PLCXD3: variants seen among roughly 807,000 people sequenced by gnomAD.
The protein encoded by PLCXD3 is phosphatidylinositol specific phospholipase C X domain containing 3.
Under a neutral mutation model 25.5 loss-of-function variants are expected in PLCXD3, and 19 were observed. That is an observed-to-expected ratio of 0.75 (90% confidence interval 0.52 to 1.09). PLCXD3 has a LOEUF of 1.09. Ranked by LOEUF, PLCXD3 falls within the 50% of genes least tolerant of loss-of-function variation. The pLI is 0.00. For missense variants in PLCXD3, 411 were observed against 388.1 expected (o/e 1.06, Z -0.50); for synonymous variants, 174 against 137.6 (o/e 1.26, Z -1.85).
chr5:41,376,412 G>C (rs1745297959), intron 2 of PLCXD3, among the ~76,000 whole-genome samples: 1 of 151,968 alleles, frequency 6.6e-6, no homozygotes, highest in Admixed American at 6.6e-5. Flanking sequence ...ATCCTCTGAA[G>C]TCCAGTTCTG....
intron 2 of PLCXD3, among the ~76,000 whole-genome samples, chr5:41,348,140 T>C (rs1744351204): frequency 6.6e-6 from 1 of 152,224 alleles, no homozygotes; most frequent in African/African-American, 2.4e-5. Context: ...GGTAGGTTAA[T>C]AGTATTAGCC....
At chr5:41,431,094 CAG>C (rs906430585) in intron 1 of PLCXD3, among the ~76,000 whole-genome samples, 54 of 152,292 alleles carry the variant, frequency 3.5e-4, no homozygotes, top group African/African-American at 1.3e-3. Context: ...CACAGAACGT[CAG>C]AGTTAGAGAG....
At chr5:41,449,681 G>GACAT (rs1409870957) in intron 1 of PLCXD3, among the ~76,000 whole-genome samples, 1 of 152,068 alleles carries the variant, frequency 6.6e-6, no homozygotes, top group East Asian at 1.9e-4. Context: ...GAATACCTAG[G>GACAT]ACATACTATA....
At chr5:41,356,826 C>T (rs772197042) in intron 2 of PLCXD3, among the ~76,000 whole-genome samples, 1 of 152,124 alleles carries the variant, frequency 6.6e-6, no homozygotes, top group Non-Finnish European at 1.5e-5. Flanking sequence ...CTGGGTCATC[C>T]CTCCTGGAGG....
At chr5:41,383,926 A>G (rs1048674028) in intron 1 of PLCXD3, among the ~76,000 whole-genome samples, 4 of 152,022 alleles carry the variant, frequency 2.6e-5, no homozygotes, top group South Asian at 4.1e-4. Context: ...ACATTTATGT[A>G]TATATATCCA....
At chr5:41,392,611 T>G (rs1019550638) in intron 1 of PLCXD3, among the ~76,000 whole-genome samples, 1 of 152,126 alleles carries the variant, frequency 6.6e-6, no homozygotes, top group Admixed American at 6.6e-5. Flanking sequence ...GCCCAGATAG[T>G]GAAGACTACA....
chr5:41,420,169 G>A (rs970182896), intron 1 of PLCXD3, among the ~76,000 whole-genome samples: 2 of 151,982 alleles, frequency 1.3e-5, no homozygotes, highest in Admixed American at 6.6e-5. Context: ...CTTTTAAATG[G>A]ACTACTTTTA....
chr5:41,391,202 T>C (rs1267239438), intron 1 of PLCXD3, among the ~76,000 whole-genome samples: 1 of 151,934 alleles, frequency 6.6e-6, no homozygotes, highest in Non-Finnish European at 1.5e-5. Context: ...TGGACTGAGG[T>C]GGAACATGAT....
chr5:41,434,057 A>AT (rs1747178041), intron 1 of PLCXD3, among the ~76,000 whole-genome samples: 1 of 152,230 alleles, frequency 6.6e-6, no homozygotes, highest in East Asian at 1.9e-4. Flanking sequence ...ATTCACTTCT[A>AT]ACCCACTGTT....
At chr5:41,475,675 T>G (rs1327333734) in intron 1 of PLCXD3, 2 of 534,820 alleles carry the variant, frequency 3.7e-6, no homozygotes, top group South Asian at 2.8e-5. Flanking sequence ...TGTGGCTGTC[T>G]GCCACAAGTA....
intron 1 of PLCXD3, among the ~76,000 whole-genome samples, chr5:41,484,708 G>T (rs748176291): frequency 1.3e-5 from 2 of 152,254 alleles, no homozygotes; most frequent in Non-Finnish European, 2.9e-5. Flanking sequence ...ATCATAGCCT[G>T]CAGTCTGCAC....
At chr5:41,457,481 C>G (rs963238102) in intron 1 of PLCXD3, among the ~76,000 whole-genome samples, 2 of 151,764 alleles carry the variant, frequency 1.3e-5, no homozygotes, top group African/African-American at 4.8e-5. Flanking sequence ...TGATTGGAAC[C>G]CAGGAGTACA....
chr5:41,374,432 T>C (rs1160113880), intron 2 of PLCXD3, among the ~76,000 whole-genome samples: 3 of 152,164 alleles, frequency 2.0e-5, no homozygotes, highest in Non-Finnish European at 2.9e-5. Context: ...GTCCCGGCAC[T>C]GGCTTATAAC....
intron 1 of PLCXD3, among the ~76,000 whole-genome samples, chr5:41,432,042 G>A (rs1395604744): frequency 1.3e-5 from 2 of 152,088 alleles, no homozygotes; most frequent in Non-Finnish European, 2.9e-5. Flanking sequence ...CCAAGCAGAG[G>A]TGAGAGGCCT....
intron 2 of PLCXD3, among the ~76,000 whole-genome samples, chr5:41,325,777 T>G (rs1348956784): frequency 1.3e-5 from 2 of 152,190 alleles, no homozygotes; most frequent in Non-Finnish European, 2.9e-5. Context: ...TGTTTGGGGC[T>G]GCTATAACAA....
At chr5:41,366,722 G>C (rs574325506) in intron 2 of PLCXD3, among the ~76,000 whole-genome samples, 1 of 152,308 alleles carries the variant, frequency 6.6e-6, no homozygotes, top group African/African-American at 2.4e-5. Context: ...AGGTAAATGT[G>C]TGCATGGTGG....
At chr5:41,332,801 G>T (rs539460835) in intron 2 of PLCXD3, among the ~76,000 whole-genome samples, 250 of 152,152 alleles carry the variant, frequency 1.6e-3, no homozygotes, top group African/African-American at 5.7e-3. Flanking sequence ...GTAGGGACAT[G>T]GATGAAATTG....
At chr5:41,435,476 C>A (rs1241706646) in intron 1 of PLCXD3, among the ~76,000 whole-genome samples, 1 of 152,188 alleles carries the variant, frequency 6.6e-6, no homozygotes, top group Non-Finnish European at 1.5e-5. Flanking sequence ...ACACTGGCAG[C>A]TGTGGGGTGT....
At chr5:41,427,931 A>C (rs895702768) in intron 1 of PLCXD3, among the ~76,000 whole-genome samples, 2 of 152,066 alleles carry the variant, frequency 1.3e-5, no homozygotes, top group African/African-American at 4.8e-5. Flanking sequence ...AGAAACAAAC[A>C]CCTTGCATTT....
Sources: allele counts gnomAD v4.1 joint callset (sites outside exome capture counted in the v4.1 genomes callset), GRCh38; gene constraint gnomAD v4.1.1; transcripts MANE v1.5; gene names NCBI Gene and HGNC (gene_info 2026-07-23, HGNC 2026-07-21).